The following ADARB2 variants were observed in gnomAD, a reference collection of about 807,000 sequenced individuals.
ADARB2 encodes the protein inactive double-stranded RNA-specific editase B2.
Under a neutral mutation model 62.2 loss-of-function variants are expected in ADARB2, and 25 were observed. That is an observed-to-expected ratio of 0.40 (90% confidence interval 0.29 to 0.56). The LOEUF is 0.56. ADARB2 is among the 20% of genes least tolerant of loss of function. The probability of loss-of-function intolerance (pLI) is 0.43; values close to 1 mark genes in which losing one functional copy is unlikely to be tolerated. For missense variants in ADARB2, 1,071 were observed against 1,077.4 expected, an observed-to-expected ratio of 0.99 and a Z score of 0.08; for synonymous variants, 572 against 500.8, an observed-to-expected ratio of 1.14 and a Z score of -1.90.
At chr10:1,229,223 A>T (rs1043248819) in intron 6 of ADARB2, among the ~76,000 whole-genome samples, 1 of 152,202 alleles carries the variant, frequency 6.6e-6, no homozygotes, top group African/African-American at 2.4e-5. Context: ...AAATAGGGCC[A>T]TCTAGAATTT....
intron 3 of ADARB2, among the ~76,000 whole-genome samples, chr10:1,314,855 TCA>T (rs1451332715): frequency 6.6e-6 from 1 of 152,166 alleles, no homozygotes; most frequent in Non-Finnish European, 1.5e-5. Context: ...ACTGTGGGGT[TCA>T]GAGTGAACTC....
intron 1 of ADARB2, among the ~76,000 whole-genome samples, chr10:1,481,992 G>C (rs1029021912): frequency 6.6e-6 from 1 of 152,056 alleles, no homozygotes; most frequent in Non-Finnish European, 1.5e-5. Context: ...CATATGAAAA[G>C]ATGCTCAACA....
chr10:1,326,091 C>G (rs1288912714), intron 3 of ADARB2, among the ~76,000 whole-genome samples: 2 of 152,206 alleles, frequency 1.3e-5, no homozygotes, highest in Non-Finnish European at 2.9e-5. Context: ...TCTTGGAAAA[C>G]TGAATGCAAG....
rs1368214540 is a variant in ADARB2 at position 1,179,637 on chromosome 10, G to A, written c.*3556C>T. On this transcript the variant is annotated 3_prime_UTR_variant, in exon 10 of 10. Coordinates refer to ENST00000381312, the MANE Select transcript of ADARB2 (RefSeq NM_018702.4). ...CGGAAACCACATTGCTGATCTTCCT[G>A]ATGGGAAAGCAGTGTGTGTTTTGGA... The A allele has an allele frequency of 6.6e-6, 1 of 152,256 alleles. No homozygotes were observed. Among genetic ancestry groups the A allele is most frequent in the East Asian group, 1.9e-4 (1 of 5,202 alleles). The allele number at this position is 152,256 out of a possible 1,614,324, so 9.4% of individuals were successfully genotyped here.
chr10:1,602,449 G>A (rs955419237), intron 1 of ADARB2, among the ~76,000 whole-genome samples: 3 of 152,310 alleles, frequency 2.0e-5, no homozygotes, highest in East Asian at 1.9e-4. Context: ...GAGGGGAAGC[G>A]TGATTTTTCT....
intron 1 of ADARB2, among the ~76,000 whole-genome samples, chr10:1,522,018 C>T (rs982381577): frequency 6.6e-6 from 1 of 152,152 alleles, no homozygotes; most frequent in African/African-American, 2.4e-5. Context: ...CAGAGTTGGA[C>T]TCTTTTCATT....
At chr10:1,421,001 A>G (rs1390192118) in intron 1 of ADARB2, among the ~76,000 whole-genome samples, 3 of 151,332 alleles carry the variant, frequency 2.0e-5, no homozygotes, top group Non-Finnish European at 4.4e-5. Context: ...GGGTGGTGTT[A>G]CACCTCCACT....
At chr10:1,455,130 G>A (rs970793750) in intron 1 of ADARB2, among the ~76,000 whole-genome samples, 25 of 152,290 alleles carry the variant, frequency 1.6e-4, no homozygotes, top group Admixed American at 1.2e-3. Context: ...TACAGGCAAA[G>A]CCACATCCTG....
chr10:1,598,667 G>A (rs1588317500), intron 1 of ADARB2, among the ~76,000 whole-genome samples: 1 of 152,234 alleles, frequency 6.6e-6, no homozygotes, highest in Non-Finnish European at 1.5e-5. Flanking sequence ...TCCCTGGGCA[G>A]GAGGAGCCCA....
At chr10:1,430,323 A>C (rs888164601) in intron 1 of ADARB2, among the ~76,000 whole-genome samples, 1 of 152,256 alleles carries the variant, frequency 6.6e-6, no homozygotes, top group East Asian at 1.9e-4. Flanking sequence ...AAAAGGAAAT[A>C]AGCAGAATGA....
intron 6 of ADARB2, among the ~76,000 whole-genome samples, chr10:1,231,556 G>T (rs1830804175): frequency 6.6e-6 from 1 of 152,122 alleles, no homozygotes; most frequent in Non-Finnish European, 1.5e-5. Context: ...GGAGGGCTGT[G>T]TCCACTTCTC....
chr10:1,311,898 G>A (rs1831695551), intron 3 of ADARB2, among the ~76,000 whole-genome samples: 1 of 152,124 alleles, frequency 6.6e-6, no homozygotes, highest in Non-Finnish European at 1.5e-5. Flanking sequence ...AAAGTGGAAG[G>A]AATGATTGAG....
chr10:1,587,896 T>G (rs150128686), intron 1 of ADARB2, among the ~76,000 whole-genome samples: 1 of 152,290 alleles, frequency 6.6e-6, no homozygotes, highest in Non-Finnish European at 1.5e-5. Flanking sequence ...CTCTCTTGAC[T>G]GCCGCCATGT....
intron 3 of ADARB2, among the ~76,000 whole-genome samples, chr10:1,276,649 TAATAACGGGA>T (rs1831320685): frequency 6.6e-6 from 1 of 152,114 alleles, no homozygotes; most frequent in Non-Finnish European, 1.5e-5. Context: ...TCCCAAACAA[TAATAACGGGA>T]GACTTTAACA....
intron 4 of ADARB2, among the ~76,000 whole-genome samples, chr10:1,251,964 G>T (rs949569893): frequency 2.6e-5 from 4 of 152,150 alleles, no homozygotes; most frequent in African/African-American, 9.7e-5. Context: ...CCAGCCCCCA[G>T]AACTGTGAGC....
At chr10:1,496,392 T>C (rs1374662721) in intron 1 of ADARB2, among the ~76,000 whole-genome samples, 1 of 151,968 alleles carries the variant, frequency 6.6e-6, no homozygotes, top group African/African-American at 2.4e-5. Flanking sequence ...ATCACCATCA[T>C]TATTACCAAC....
intron 1 of ADARB2, among the ~76,000 whole-genome samples, chr10:1,723,706 A>T (rs757751920): frequency 8.5e-5 from 13 of 152,176 alleles, no homozygotes; most frequent in Non-Finnish European, 1.6e-4. Flanking sequence ...GGCACCTTCC[A>T]AAGGGCCAGG....
rs1413858181 is a variant in ADARB2, at chr10:1,252,059, C to G, written c.1193-9760G>C. The stretch of plus-strand genomic sequence containing the variant: ...ATGGATGCAGACACAGGGCTTCTCC[C>G]CAGCACATTACCCATCTCTAGACAA... On this transcript the variant is annotated intron_variant, in intron 4 of 9. Coordinates refer to ENST00000381312, the MANE Select transcript of ADARB2 (RefSeq NM_018702.4). Among the ~76,000 whole-genome samples, 5 of 152,200 alleles carry G rather than the reference C, an allele frequency of 3.3e-5. No individual in the cohort carries two copies. The East Asian group carries it at 9.6e-4, about 29-fold the overall frequency.
At chr10:1,396,982 C>T (rs1374372795) in intron 1 of ADARB2, among the ~76,000 whole-genome samples, 1,063 of 49,976 alleles carry the variant, frequency 0.021, no homozygotes, top group Non-Finnish European at 0.034. Context: ...TCACCATCAG[C>T]CTCTCCCCTC....
Sources: gnomAD v4.1 joint callset for allele counts (sites outside exome capture counted in the v4.1 genomes callset) on GRCh38, gnomAD v4.1.1 for gene constraint, MANE v1.5 for transcripts, NCBI Gene and HGNC (gene_info 2026-07-23, HGNC 2026-07-21) for gene names.